GALNTL6: variants seen among roughly 807,000 people sequenced by gnomAD.
GALNTL6 encodes the protein polypeptide N-acetylgalactosaminyltransferase like 6, also known as polypeptide N-acetylgalactosaminyltransferase-like 6.
In GALNTL6, 46 loss-of-function variants were observed where a neutral mutation model predicts 73.7. That is an observed-to-expected ratio of 0.62 (90% CI 0.49 to 0.80). The LOEUF (loss-of-function observed/expected upper bound fraction) is 0.80. GALNTL6 is among the 30% of genes least tolerant of loss of function. The pLI is 0.00. For missense variants in GALNTL6, 604 were observed against 755.0 expected (o/e 0.80, Z 2.34); for synonymous variants, 259 against 263.7 (o/e 0.98, Z 0.17).
chr4:172,870,844 A>C (rs1248028382), intron 7 of GALNTL6, among the ~76,000 whole-genome samples: 1 of 152,238 alleles, frequency 6.6e-6, no homozygotes, highest in East Asian at 1.9e-4. Flanking sequence ...TTACTCAGAA[A>C]GTGTCATGGA....
At chr4:172,925,952 G>A (rs1160584417) in intron 8 of GALNTL6, among the ~76,000 whole-genome samples, 2 of 152,200 alleles carry the variant, frequency 1.3e-5, no homozygotes, top group Non-Finnish European at 2.9e-5. Flanking sequence ...TTTTATTACT[G>A]TGTGTTTATT....
chr4:172,463,922 A>G (rs1371773742), intron 5 of GALNTL6, among the ~76,000 whole-genome samples: 1 of 152,210 alleles, frequency 6.6e-6, no homozygotes, highest in Non-Finnish European at 1.5e-5. Flanking sequence ...CCGTATAGCT[A>G]ACACTTATGA....
intron 5 of GALNTL6, among the ~76,000 whole-genome samples, chr4:172,598,649 G>GT (rs1428659812): frequency 1.5e-4 from 23 of 151,724 alleles, no homozygotes; most frequent in Non-Finnish European, 3.2e-4. Context: ...GATTTTAAAA[G>GT]TTTTAAATCA....
intron 10 of GALNTL6, among the ~76,000 whole-genome samples, chr4:172,974,612 G>A (rs932393436): frequency 6.6e-6 from 1 of 152,166 alleles, no homozygotes; most frequent in Non-Finnish European, 1.5e-5. Flanking sequence ...AGCCTCTGTG[G>A]TATCTTTGGT....
chr4:171,864,025 G>A (rs887232607), intron 2 of GALNTL6, among the ~76,000 whole-genome samples: 1 of 152,138 alleles, frequency 6.6e-6, no homozygotes, highest in African/African-American at 2.4e-5. Flanking sequence ...GCCTCCCAAA[G>A]TGCTGGGATT....
At chr4:172,750,989 A>T (rs1201142331) in intron 5 of GALNTL6, among the ~76,000 whole-genome samples, 1 of 152,158 alleles carries the variant, frequency 6.6e-6, no homozygotes, top group Non-Finnish European at 1.5e-5. Flanking sequence ...TTCAATTATA[A>T]ATCTTATATG....
intron 5 of GALNTL6, among the ~76,000 whole-genome samples, chr4:172,414,711 T>C (rs545591494): frequency 1.4e-4 from 22 of 152,308 alleles, no homozygotes; most frequent in Admixed American, 4.6e-4. Context: ...GTCTTTGTTA[T>C]CTAAAACTTA....
chr4:172,885,471 A>C (rs1471408029), intron 8 of GALNTL6, among the ~76,000 whole-genome samples: 2 of 152,134 alleles, frequency 1.3e-5, no homozygotes, highest in East Asian at 3.8e-4. Flanking sequence ...TGGAGTCTTT[A>C]GGTTTTTCTA....
At chr4:172,283,053 A>G (rs1470260456) in intron 3 of GALNTL6, among the ~76,000 whole-genome samples, 1 of 152,146 alleles carries the variant, frequency 6.6e-6, no homozygotes, top group Admixed American at 6.5e-5. Flanking sequence ...TGGTTTAATG[A>G]GGGGCATGTT....
In GALNTL6 at chr4:172,412,950, G is replaced by C. The variant is rs74811437; in HGVS notation, c.553+64261G>C. Among the ~76,000 whole-genome samples, 414 of 152,234 alleles carry C rather than the reference G, an allele frequency of 2.7e-3. 2 individuals carry two copies. Among genetic ancestry groups the C allele is most frequent in the African/African-American group, 9.6e-3 (398 of 41,538 alleles). On this transcript the variant is annotated intron_variant, in intron 5 of 12. Transcript: ENST00000506823. ...AATGACTATTACAGCTCCAGAAATAGAGCCACATTCTCAGCAGGAAGACAG... is the reference window on the plus strand; with the variant it reads ...AATGACTATTACAGCTCCAGAAATACAGCCACATTCTCAGCAGGAAGACAG...
At chr4:172,315,077 C>G (rs948662940) in intron 4 of GALNTL6, among the ~76,000 whole-genome samples, 2 of 152,124 alleles carry the variant, frequency 1.3e-5, no homozygotes, top group Non-Finnish European at 2.9e-5. Context: ...ATCAGTCTTA[C>G]TTTTATCCAA....
At chr4:172,277,927 G>A (rs963132650) in intron 3 of GALNTL6, among the ~76,000 whole-genome samples, 6 of 152,050 alleles carry the variant, frequency 3.9e-5, no homozygotes, top group Non-Finnish European at 5.9e-5. Context: ...AAAACACAAA[G>A]AAGAGTAGTA....
At chr4:172,564,919 G>T (rs1422774869) in intron 5 of GALNTL6, among the ~76,000 whole-genome samples, 2 of 152,084 alleles carry the variant, frequency 1.3e-5, no homozygotes, top group Non-Finnish European at 2.9e-5. Flanking sequence ...ATGTTAAATG[G>T]GTGTCTTAGT....
At chr4:172,894,362 C>G (rs1397890988) in intron 8 of GALNTL6, among the ~76,000 whole-genome samples, 1 of 152,092 alleles carries the variant, frequency 6.6e-6, no homozygotes, top group East Asian at 1.9e-4. Context: ...CTTAGTACTG[C>G]TTTTGCTGTA....
chr4:172,722,388 T>C (rs1735534421), intron 5 of GALNTL6, among the ~76,000 whole-genome samples: 1 of 152,178 alleles, frequency 6.6e-6, no homozygotes, highest in South Asian at 2.1e-4. Flanking sequence ...TATAAAGCAT[T>C]GATAAAGTTG....
chr4:172,076,571 G>A (rs1169421376), intron 2 of GALNTL6, among the ~76,000 whole-genome samples: 1 of 152,122 alleles, frequency 6.6e-6, no homozygotes, highest in Non-Finnish European at 1.5e-5. Context: ...CGCCACATCT[G>A]TACTGTCACT....
chr4:172,602,755 T>G (rs1246880009), intron 5 of GALNTL6, among the ~76,000 whole-genome samples: 1 of 152,138 alleles, frequency 6.6e-6, no homozygotes, highest in African/African-American at 2.4e-5. Flanking sequence ...AATATGAAAA[T>G]GTATATACAC....
At chr4:172,162,783 C>G (rs959647166) in intron 2 of GALNTL6, among the ~76,000 whole-genome samples, 2 of 152,026 alleles carry the variant, frequency 1.3e-5, no homozygotes, top group Non-Finnish European at 2.9e-5. Flanking sequence ...AGACTTCTGA[C>G]ATAATCCTGC....
intron 8 of GALNTL6, among the ~76,000 whole-genome samples, chr4:172,918,226 T>C (rs866192241): frequency 5.3e-5 from 8 of 151,918 alleles, no homozygotes; most frequent in Middle Eastern, 3.4e-3. Context: ...ACATCACACA[T>C]TGGGGCCTGT....
Sources: allele counts gnomAD v4.1 joint callset (sites outside exome capture counted in the v4.1 genomes callset), GRCh38; gene constraint gnomAD v4.1.1; transcripts MANE v1.5; gene names NCBI Gene and HGNC (gene_info 2026-07-23, HGNC 2026-07-21).